The following HS3ST4 variants were observed in gnomAD, a reference collection of about 807,000 sequenced individuals.
HS3ST4 encodes the protein heparan sulfate glucosamine 3-O-sulfotransferase 4.
HS3ST4 carries 17 observed loss-of-function variants against 29.2 expected under a neutral mutation model. The ratio of observed to expected loss-of-function variants is 0.58; its 90% confidence interval spans 0.40 to 0.87. The LOEUF (loss-of-function observed/expected upper bound fraction) is 0.87, where lower values mean the gene tolerates loss of function less well. Ranked by LOEUF, HS3ST4 falls within the 40% of genes least tolerant of loss-of-function variation. HS3ST4 has a pLI of 0.00. For missense variants in HS3ST4, 627 were observed against 634.5 expected (o/e 0.99, Z 0.13); for synonymous variants, 314 against 285.7 (o/e 1.10, Z -1.00).
intron 1 of HS3ST4, among the ~76,000 whole-genome samples, chr16:25,761,828 A>G (rs1025208568): frequency 4.6e-5 from 7 of 152,188 alleles, no homozygotes; most frequent in Admixed American, 6.5e-5. Flanking sequence ...CACTCTTTCT[A>G]TATGTACTAA....
intron 1 of HS3ST4, among the ~76,000 whole-genome samples, chr16:25,924,876 G>C (rs560361830): frequency 2.0e-3 from 300 of 152,244 alleles, no homozygotes; most frequent in African/African-American, 7.0e-3. Flanking sequence ...CAGGGTTCTG[G>C]TGTCAATTTT....
chr16:25,828,328 C>CTCTTTCTCCCTT (rs1967256072), intron 1 of HS3ST4, among the ~76,000 whole-genome samples: 1 of 134,266 alleles, frequency 7.4e-6, no homozygotes. Flanking sequence ...CTCTCTCTCT[C>CTCTTTCTCCCTT]TCTCTCTCTC....
chr16:25,696,755 A>T (rs1215695105), intron 1 of HS3ST4, among the ~76,000 whole-genome samples: 1 of 152,166 alleles, frequency 6.6e-6, no homozygotes, highest in African/African-American at 2.4e-5. Flanking sequence ...CCCAGAGGAA[A>T]ATGGTCAGTG....
At chr16:25,820,211 A>G (rs1484790637) in intron 1 of HS3ST4, among the ~76,000 whole-genome samples, 1 of 151,614 alleles carries the variant, frequency 6.6e-6, no homozygotes, top group Non-Finnish European at 1.5e-5. Flanking sequence ...CTGATGGACA[A>G]TTGCTTACTG....
intron 1 of HS3ST4, among the ~76,000 whole-genome samples, chr16:26,132,128 A>C (rs1001861676): frequency 6.6e-6 from 1 of 152,266 alleles, no homozygotes. Context: ...CTGGTAGCTT[A>C]GTGGAGGAAG....
At chr16:25,972,299 C>T (rs1231546028) in intron 1 of HS3ST4, among the ~76,000 whole-genome samples, 1 of 152,306 alleles carries the variant, frequency 6.6e-6, no homozygotes, top group East Asian at 1.9e-4. Context: ...TACCCCAAAA[C>T]TTGGTGGGTT....
chr16:25,929,409 G>C (rs1450529402), intron 1 of HS3ST4, among the ~76,000 whole-genome samples: 1 of 151,954 alleles, frequency 6.6e-6, no homozygotes, highest in East Asian at 1.9e-4. Context: ...GAAAAGAAAG[G>C]TTCAAGGTTA....
At chr16:25,979,724 T>C (rs1968984458) in intron 1 of HS3ST4, among the ~76,000 whole-genome samples, 1 of 152,106 alleles carries the variant, frequency 6.6e-6, no homozygotes, top group South Asian at 2.1e-4. Context: ...CCCGAAACCA[T>C]TCCTCAACAT....
chr16:25,769,223 G>A (rs1000912321), intron 1 of HS3ST4, among the ~76,000 whole-genome samples: 1 of 152,100 alleles, frequency 6.6e-6, no homozygotes, highest in African/African-American at 2.4e-5. Flanking sequence ...GAAGGTGAAG[G>A]TCTCTCTGTG....
chr16:26,087,559 A>C (rs1898805064), intron 1 of HS3ST4, among the ~76,000 whole-genome samples: 1 of 152,022 alleles, frequency 6.6e-6, no homozygotes, highest in Admixed American at 6.6e-5. Context: ...AAGAGCTCTG[A>C]AATCTTTCCA....
At chr16:26,047,545 A>G (rs1898285519) in intron 1 of HS3ST4, among the ~76,000 whole-genome samples, 1 of 152,204 alleles carries the variant, frequency 6.6e-6, no homozygotes, top group African/African-American at 2.4e-5. Flanking sequence ...TGCTGTTATC[A>G]ACCCTGCTTT....
chr16:25,728,501 C>G (rs76354745), intron 1 of HS3ST4, among the ~76,000 whole-genome samples: 1 of 152,150 alleles, frequency 6.6e-6, no homozygotes, highest in African/African-American at 2.4e-5. Flanking sequence ...CCTAGCCTGA[C>G]GGCAGACCCT....
At chr16:25,775,319 T>A (rs1966846606) in intron 1 of HS3ST4, among the ~76,000 whole-genome samples, 1 of 152,080 alleles carries the variant, frequency 6.6e-6, no homozygotes, top group African/African-American at 2.4e-5. Context: ...TGCCCTCCCA[T>A]AAAAAAGACA....
intron 1 of HS3ST4, among the ~76,000 whole-genome samples, chr16:25,996,350 T>C (rs1969159154): frequency 1.3e-5 from 2 of 152,230 alleles, no homozygotes; most frequent in African/African-American, 2.4e-5. Context: ...GTATTTTGCA[T>C]ACTTTACATA....
chr16:26,108,358 G>C (rs1233044585), intron 1 of HS3ST4, among the ~76,000 whole-genome samples: 1 of 152,162 alleles, frequency 6.6e-6, no homozygotes, highest in East Asian at 1.9e-4. Context: ...GAATCAGGGA[G>C]CTCACTTTTC....
At chr16:25,859,206 C>T (rs1481051650) in intron 1 of HS3ST4, among the ~76,000 whole-genome samples, 1 of 152,076 alleles carries the variant, frequency 6.6e-6, no homozygotes, top group African/African-American at 2.4e-5. Context: ...GTATGTTTGG[C>T]AAGACAGAAA....
intron 1 of HS3ST4, among the ~76,000 whole-genome samples, chr16:26,004,149 C>T (rs1302951501): frequency 1.3e-5 from 2 of 152,102 alleles, no homozygotes; most frequent in Non-Finnish European, 2.9e-5. Context: ...TCCTAAGTCC[C>T]TGAAAAAGGT....
intron 1 of HS3ST4, among the ~76,000 whole-genome samples, chr16:25,889,199 G>A (rs748852105): frequency 1.2e-4 from 19 of 152,152 alleles, no homozygotes; most frequent in African/African-American, 4.1e-4. Context: ...CAACACTTCC[G>A]GAGATGCATT....
At position 25,693,017 on chromosome 16, in the gene HS3ST4, G is replaced by A; in HGVS notation, c.600G>A (p.Ala200=). 6.2e-7 allele frequency: 1 copy of A among 1,611,430 alleles called. No individual in the cohort carries two copies. Among genetic ancestry groups the A allele is most frequent in the Non-Finnish European group, 8.5e-7 (1 of 1,179,164 alleles). The change falls in exon 1 of 2, where the codon GCG becomes GCA. Residue 200 remains alanine (A), a synonymous_variant. Coordinates refer to ENST00000331351, the MANE Select transcript of HS3ST4 (RefSeq NM_006040.3). ...ATGGGGAGAAGAAGCTGCCACAGGC[G>A]CTCATCATCGGGGTCAAGAAAGGAG... ...PDYGEKKLPQ[A]LIIGVKKGGT...
Sources: allele counts gnomAD v4.1 joint callset (sites outside exome capture counted in the v4.1 genomes callset), GRCh38; gene constraint gnomAD v4.1.1; transcripts MANE v1.5; gene names NCBI Gene and HGNC (gene_info 2026-07-23, HGNC 2026-07-21).